The following MYH11 variants were observed in gnomAD, a reference collection of about 807,000 sequenced individuals.
The protein encoded by MYH11 is myosin heavy chain 11.
Under a neutral mutation model 246.6 loss-of-function variants are expected in MYH11, and 80 were observed. The observed-to-expected ratio is 0.32, with a 90% CI of 0.27 to 0.39. MYH11 has a LOEUF of 0.39. MYH11 is among the 10% of genes least tolerant of loss of function. The probability of loss-of-function intolerance (pLI) is 1.00; values close to 1 mark genes in which losing one functional copy is unlikely to be tolerated. For synonymous variants in MYH11, 1,071 were observed against 1,015.5 expected (o/e 1.05, Z -1.04); for missense variants, 2,158 against 2,546.8 (o/e 0.85, Z 3.29).
At chr16:15,794,278 G>C (rs900619039) in intron 4 of MYH11, among the ~76,000 whole-genome samples, 1 of 152,148 alleles carries the variant, frequency 6.6e-6, no homozygotes, top group Non-Finnish European at 1.5e-5. Flanking sequence ...TAACCAAACA[G>C]TTGGCTCCAG....
chr16:15,767,683 A>T (rs2042013459), intron 9 of MYH11, among the ~76,000 whole-genome samples: 1 of 152,130 alleles, frequency 6.6e-6, no homozygotes, highest in South Asian at 2.1e-4. Flanking sequence ...CAAGATCTCA[A>T]GATGAGATCA....
At chr16:15,715,303 A>G (rs373383930) in intron 38 of MYH11, 31 bp from the exon 39 acceptor site, 14 of 1,611,176 alleles carry the variant, frequency 8.7e-6, no homozygotes, top group East Asian at 2.2e-5. Context: ...AGGTGGTTTC[A>G]GCGGAGGGTG....
At chr16:15,726,145 TG>T (rs1241121067) in intron 28 of MYH11, 2 of 158,834 alleles carry the variant, frequency 1.3e-5, no homozygotes, top group African/African-American at 4.8e-5. Flanking sequence ...TATTTACACT[TG>T]GGCATCATGT....
rs864309564 is a variant in MYH11, at chr16:15,717,203, G to GACTTGA, written c.5435_5440dup (p.Phe1812_Lys1813dup). ...CTTGGCCTCCAGCGCCGCGATGGTG[G>GACTTGA]ACTTGAACTTGGACTTGACGGCCCC... On this transcript the variant is annotated inframe_insertion, in exon 38 of 41. Coordinates refer to ENST00000300036, the MANE Select transcript of MYH11 (RefSeq NM_002474.3). 6.2e-7 allele frequency: 1 copy of GACTTGA among 1,614,196 alleles called. No homozygotes were observed. Among genetic ancestry groups the GACTTGA allele is most frequent in the Non-Finnish European group, 8.5e-7 (1 of 1,180,036 alleles).
intron 4 of MYH11, among the ~76,000 whole-genome samples, chr16:15,788,759 A>G (rs1422839576): frequency 2.0e-5 from 3 of 151,106 alleles, no homozygotes; most frequent in Non-Finnish European, 4.4e-5. Flanking sequence ...TGAAGGCATT[A>G]CCCCATTTCC....
intron 40 of MYH11, chr16:15,711,066 C>T (rs1262766548): frequency 6.6e-6 from 1 of 152,236 alleles, no homozygotes; most frequent in Non-Finnish European, 1.5e-5. Context: ...CTTTGGGAGC[C>T]TAGGCCTGGT....
At chr16:15,806,010 G>A (rs1308937218) in intron 3 of MYH11, among the ~76,000 whole-genome samples, 1 of 152,020 alleles carries the variant, frequency 6.6e-6, no homozygotes, top group African/African-American at 2.4e-5. Flanking sequence ...TGGGCACGGT[G>A]GCTCACACCT....
intron 15 of MYH11, among the ~76,000 whole-genome samples, chr16:15,751,887 C>T (rs1181808918): frequency 6.6e-6 from 1 of 152,136 alleles, no homozygotes; most frequent in Non-Finnish European, 1.5e-5. Context: ...CAACCTGCGC[C>T]TCCCAGGTTC....
chr16:15,719,118 ACT>A (rs780382749), intron 36 of MYH11, 100 bp downstream of exon 36: 38 of 1,184,090 alleles, frequency 3.2e-5, no homozygotes, highest in Non-Finnish European at 4.2e-5. Flanking sequence ...ACAGAATGAA[ACT>A]CTGTCTCGAA....
chr16:15,719,828 G>A lies in MYH11; in HGVS notation c.4954-115C>T, dbSNP rs1021105786. 3.5e-6 allele frequency: 5 copies of A among 1,442,358 alleles called. No homozygotes were observed. The African/African-American group carries it at 5.6e-5, about 16-fold the overall frequency. The allele number at this position is 1,442,358 out of a possible 1,614,324, so 89.3% of individuals were successfully genotyped here. ...ATTTTCTGCAGTTGACCACAAAGAA[G>A]TTCCCATTGCACGAGCATGGCTCTC... On this transcript the variant is annotated intron_variant, in intron 34 of 40. Transcript: ENST00000300036.
chr16:15,713,996 T>C (rs778090337), intron 40 of MYH11: 2 of 152,124 alleles, frequency 1.3e-5, no homozygotes, highest in Non-Finnish European at 2.9e-5. Context: ...GAGGGTCAAA[T>C]TGTGAGGGCT....
intron 24 of MYH11, 149 bp from the exon 25 acceptor site, chr16:15,737,769 G>A (rs913417937): frequency 2.2e-5 from 17 of 772,228 alleles, no homozygotes; most frequent in Admixed American, 4.5e-5. Context: ...ATTATCTCCC[G>A]ATGAACAGCA....
intron 27 of MYH11, among the ~76,000 whole-genome samples, chr16:15,728,796 A>T (rs2040873401): frequency 6.6e-6 from 1 of 151,984 alleles, no homozygotes; most frequent in Non-Finnish European, 1.5e-5. Context: ...GCTGCTGAGG[A>T]GGCTGAAGCA....
chr16:15,759,185 A>G (rs2041807081), intron 12 of MYH11, among the ~76,000 whole-genome samples: 1 of 148,748 alleles, frequency 6.7e-6, no homozygotes, highest in Non-Finnish European at 1.5e-5. Flanking sequence ...CTGTTAGAAA[A>G]GAGATATGTG....
intron 10 of MYH11, among the ~76,000 whole-genome samples, chr16:15,761,235 C>T (rs1372398984): frequency 2.0e-5 from 3 of 151,890 alleles, no homozygotes; most frequent in African/African-American, 4.8e-5. Flanking sequence ...CTCAGCCTCC[C>T]GAGTAGCTGG....
intron 5 of MYH11, chr16:15,784,755 C>T (rs767712355): frequency 2.6e-5 from 42 of 1,613,078 alleles, no homozygotes; most frequent in East Asian, 4.5e-5. Flanking sequence ...CAAATGTCAG[C>T]GTTATTTCCA....
Position 15,719,247 on chromosome 16 carries a change from T to G in MYH11, c.5144A>C (p.Glu1715Ala). Residue 1715 changes from glutamate to alanine, a missense_variant, in exon 36 of 41, where the codon GAG (glutamate) becomes GCG (alanine). This residue lies in a region of MYH11 where 1,013 missense variants were observed against 993.5 expected (regional missense o/e 1.02). Coordinates refer to ENST00000300036, the MANE Select transcript of MYH11 (RefSeq NM_002474.3). ...TCCCGACAGGCTACTGGCCAGCTCC[T>G]CTGCCAGTTCCTCCTTCTCGAGGTC... ...QADLEKEELA[E>A]ELASSLSGRN... 1.9e-6 allele frequency: 3 copies of G among 1,613,666 alleles called. No homozygotes were observed. The South Asian group carries it at 3.3e-5, about 18-fold the overall frequency.
At chr16:15,775,349 G>A (rs187172742) in intron 8 of MYH11, among the ~76,000 whole-genome samples, 1 of 152,282 alleles carries the variant, frequency 6.6e-6, no homozygotes, top group East Asian at 1.9e-4. Flanking sequence ...TGATTTATGT[G>A]TTGCCTATGT....
At chr16:15,840,360 A>C (rs1198453221) in intron 1 of MYH11, among the ~76,000 whole-genome samples, 14 of 152,210 alleles carry the variant, frequency 9.2e-5, no homozygotes, top group Non-Finnish European at 1.9e-4. Context: ...AAATAAAAGT[A>C]ATGGCAAATG....
Sources: gnomAD v4.1 joint callset for allele counts (sites outside exome capture counted in the v4.1 genomes callset) on GRCh38, gnomAD v4.1.1 for gene constraint, gnomAD v4.1.1 regional missense constraint, MANE v1.5 for transcripts, NCBI Gene and HGNC (gene_info 2026-07-23, HGNC 2026-07-21) for gene names.